The following CPED1 variants were observed in gnomAD, a reference collection of about 807,000 sequenced individuals.
CPED1 encodes cadherin like and PC-esterase domain containing 1, also known as cadherin-like and PC-esterase domain-containing protein 1.
In CPED1, 114 loss-of-function variants were observed where a neutral mutation model predicts 128.2. The ratio of observed to expected loss-of-function variants is 0.89; its 90% confidence interval spans 0.76 to 1.04. The LOEUF (loss-of-function observed/expected upper bound fraction) is 1.04, where lower values mean the gene tolerates loss of function less well. Among genes scored for constraint, CPED1 ranks in the 50% least tolerant of loss-of-function variants. CPED1 has a pLI of 0.00. For missense variants in CPED1, 1,211 were observed against 1,207.1 expected (o/e 1.00, Z -0.05); for synonymous variants, 462 against 426.7 (o/e 1.08, Z -1.02).
chr7:121,034,318 G>A (rs1048596203), intron 3 of CPED1, among the ~76,000 whole-genome samples: 2 of 139,372 alleles, frequency 1.4e-5, no homozygotes, highest in African/African-American at 5.4e-5. Flanking sequence ...CATGATCTTG[G>A]CTCACTGCAA....
chr7:121,042,226 G>C (rs1199289425), intron 3 of CPED1, among the ~76,000 whole-genome samples: 1 of 152,150 alleles, frequency 6.6e-6, no homozygotes, highest in Non-Finnish European at 1.5e-5. Flanking sequence ...TGCGAGGTAA[G>C]TACTAGCTCC....
intron 7 of CPED1, among the ~76,000 whole-genome samples, chr7:121,113,704 A>C (rs1485970363): frequency 6.6e-6 from 1 of 152,214 alleles, no homozygotes; most frequent in Admixed American, 6.5e-5. Flanking sequence ...GGAGTAGGTT[A>C]GACCAGATGA....
chr7:121,205,401 T>A (rs1255046044), intron 16 of CPED1, among the ~76,000 whole-genome samples: 6 of 152,058 alleles, frequency 3.9e-5, no homozygotes, highest in African/African-American at 4.8e-5. Flanking sequence ...TTATCCACTT[T>A]TCACATTGTT....
At chr7:120,995,352 G>A (rs915981601) in intron 2 of CPED1, among the ~76,000 whole-genome samples, 4 of 151,922 alleles carry the variant, frequency 2.6e-5, no homozygotes, top group East Asian at 1.9e-4. Context: ...TTTCCTTTTC[G>A]AATTCCACAA....
At chr7:121,276,248 C>G (rs997414160) in intron 22 of CPED1, among the ~76,000 whole-genome samples, 6 of 152,068 alleles carry the variant, frequency 3.9e-5, no homozygotes, top group African/African-American at 1.4e-4. Flanking sequence ...CTAATTTACT[C>G]TATCACACTA....
At chr7:121,104,537 A>G (rs1794925326) in intron 7 of CPED1, among the ~76,000 whole-genome samples, 2 of 152,144 alleles carry the variant, frequency 1.3e-5, no homozygotes. Flanking sequence ...ATATTTGACT[A>G]TTTTTATGAA....
chr7:121,046,065 A>G (rs1166999799), intron 3 of CPED1, among the ~76,000 whole-genome samples: 1 of 152,022 alleles, frequency 6.6e-6, no homozygotes, highest in Non-Finnish European at 1.5e-5. Flanking sequence ...ATATAGCAAT[A>G]TATATAAATC....
chr7:121,209,050 T>A (rs2116587395), intron 16 of CPED1, among the ~76,000 whole-genome samples: 1 of 152,156 alleles, frequency 6.6e-6, no homozygotes, highest in Admixed American at 6.6e-5. Flanking sequence ...ATTTTGTTGT[T>A]GTTGTTGTGC....
chr7:121,149,918 A>T (rs897465720), intron 16 of CPED1, among the ~76,000 whole-genome samples: 1 of 152,120 alleles, frequency 6.6e-6, no homozygotes, highest in Non-Finnish European at 1.5e-5. Flanking sequence ...TTGCTCCAAA[A>T]TTTTATCTTT....
intron 12 of CPED1, among the ~76,000 whole-genome samples, chr7:121,132,004 A>G (rs1161532745): frequency 6.6e-6 from 1 of 150,742 alleles, no homozygotes; most frequent in African/African-American, 2.4e-5. Context: ...AGTTTGAAAT[A>G]TTTAAGTTAA....
chr7:121,280,718 T>A (rs561169465), intron 22 of CPED1, among the ~76,000 whole-genome samples: 5 of 152,190 alleles, frequency 3.3e-5, no homozygotes, highest in Non-Finnish European at 5.9e-5. Flanking sequence ...CTATTATCTG[T>A]CAAAATTGCA....
chr7:121,087,682 G>A (rs2110282), intron 5 of CPED1, among the ~76,000 whole-genome samples: 42,424 of 110,376 alleles, frequency 0.38, 6,790 homozygotes, highest in Middle Eastern at 0.5. Context: ...TTTTTTTTTG[G>A]CAGAGTCTTT....
chr7:121,229,558 C>T (rs541494626), intron 16 of CPED1, among the ~76,000 whole-genome samples: 2 of 152,006 alleles, frequency 1.3e-5, no homozygotes, highest in Admixed American at 1.3e-4. Flanking sequence ...ATCTCAAAAT[C>T]CAAATATTGC....
chr7:121,194,592 C>T (rs1201404657), intron 16 of CPED1, among the ~76,000 whole-genome samples: 1 of 151,894 alleles, frequency 6.6e-6, no homozygotes, highest in East Asian at 1.9e-4. Flanking sequence ...CTTTAAAGCT[C>T]AGTATGTGTC....
At chr7:121,017,376 C>G (rs1792328975) in intron 3 of CPED1, among the ~76,000 whole-genome samples, 1 of 152,110 alleles carries the variant, frequency 6.6e-6, no homozygotes, top group Admixed American at 6.6e-5. Flanking sequence ...TAAGACCAAT[C>G]TAGAGTCCTG....
intron 16 of CPED1, among the ~76,000 whole-genome samples, chr7:121,208,854 T>A (rs934188742): frequency 1.1e-4 from 16 of 152,174 alleles, no homozygotes; most frequent in African/African-American, 3.6e-4. Context: ...AAAGGAATCC[T>A]GTTTCAAAAA....
chr7:121,104,263 TTG>T lies in CPED1; in HGVS notation c.918+4171_918+4172del, dbSNP rs150334075. 3.6e-3 allele frequency among the ~76,000 whole-genome samples: 543 copies of T among 152,238 alleles called. 3 individuals carry two copies. Among genetic ancestry groups the T allele is most frequent in the African/African-American group, 0.012 (516 of 41,556 alleles). The stretch of plus-strand genomic sequence containing the variant: ...AAGCTCTTAATTATAAAACTTCAGT[TTG>T]TATCTATAAATTCACGAGTAAAATT... On this transcript the variant is annotated intron_variant, in intron 7 of 22. Coordinates refer to ENST00000310396, the MANE Select transcript of CPED1 (RefSeq NM_024913.5).
Position 121,213,172 on chromosome 7 carries a change from T to C in CPED1, c.2056-23542T>C, listed in dbSNP as rs1797685051. Reference sequence around the variant, plus strand: ...ACACAACCTTTGTTTCTTAGTACAGTGTGTTTGTTCTATTTTGTTTTATTT... The same window carrying C: ...ACACAACCTTTGTTTCTTAGTACAGCGTGTTTGTTCTATTTTGTTTTATTT... On this transcript the variant is annotated intron_variant, in intron 16 of 22. Transcript: ENST00000310396. Among the ~76,000 whole-genome samples, 3 of 4,288 alleles carry C rather than the reference T, an allele frequency of 7.0e-4. No homozygotes were observed. In the South Asian group the frequency reaches 0.3, roughly 429 times the overall value. The allele number at this position is 4,288 out of a possible 152,430, so 2.8% of individuals were successfully genotyped here.
chr7:121,073,583 C>T (rs1318420000), intron 5 of CPED1, among the ~76,000 whole-genome samples: 7 of 152,150 alleles, frequency 4.6e-5, no homozygotes, highest in Admixed American at 3.9e-4. Context: ...GGTCAAAAGC[C>T]GTATTGTGTA....
Sources: gnomAD v4.1 joint callset for allele counts (sites outside exome capture counted in the v4.1 genomes callset) on GRCh38, gnomAD v4.1.1 for gene constraint, MANE v1.5 for transcripts, NCBI Gene and HGNC (gene_info 2026-07-23, HGNC 2026-07-21) for gene names.